TTC27: variants seen among roughly 807,000 people sequenced by gnomAD.
TTC27 encodes tetratricopeptide repeat protein 27.
A neutral mutation model predicts 115.9 loss-of-function variants in TTC27; 79 were observed. The ratio of observed to expected loss-of-function variants is 0.68; its 90% CI spans 0.57 to 0.82. The LOEUF (loss-of-function observed/expected upper bound fraction) is 0.82, where lower values mean the gene tolerates loss of function less well. Among genes scored for constraint, TTC27 ranks in the 40% least tolerant of loss-of-function variants. The probability of loss-of-function intolerance (pLI) is 0.00; values close to 1 mark genes in which losing one functional copy is unlikely to be tolerated. For missense variants in TTC27, 1,054 were observed against 993.1 expected (o/e 1.06, Z -0.82); for synonymous variants, 401 against 356.0 (o/e 1.13, Z -1.42).
At chr2:32,697,158 C>T (rs537548283) in intron 9 of TTC27, among the ~76,000 whole-genome samples, 1 of 150,974 alleles carries the variant, frequency 6.6e-6, no homozygotes, top group Non-Finnish European at 1.5e-5. Flanking sequence ...CACCACTGCA[C>T]TCTAGCTTGG....
In TTC27 at chr2:32,666,776, G is replaced by T. The variant is rs566234624; in HGVS notation, c.939+8G>T. The T allele has an allele frequency of 1.8e-4, 283 of 1,610,122 alleles. 1 individual carries two copies. The South Asian group carries it at 3.0e-3, about 17-fold the overall frequency. ...CAGGAACATTTAACCAAGGCAAGTA[G>T]GACATTAAGTTATTAAATTCAATTA... On this transcript the variant is annotated splice_region_variant and intron_variant, in intron 7 of 19. Transcript: ENST00000317907.
chr2:32,760,082 C>G (rs937654024), intron 13 of TTC27, among the ~76,000 whole-genome samples: 1 of 151,990 alleles, frequency 6.6e-6, no homozygotes, highest in East Asian at 1.9e-4. Flanking sequence ...CATTTTTGAA[C>G]TGGATAACTG....
At chr2:32,725,376 G>T (rs979455247) in intron 10 of TTC27, among the ~76,000 whole-genome samples, 7 of 152,046 alleles carry the variant, frequency 4.6e-5, no homozygotes, top group Non-Finnish European at 1.0e-4. Flanking sequence ...TGGGGTGCAG[G>T]CATTGGGTAA....
chr2:32,778,080 G>A (rs1670058640), intron 14 of TTC27, 100 bp downstream of exon 14: 2 of 1,133,350 alleles, frequency 1.8e-6, no homozygotes, highest in African/African-American at 1.5e-5. Context: ...TTGTGTTGGA[G>A]GAAAGTGTAC....
At chr2:32,725,981 T>TTCAA (rs1668095562) in intron 10 of TTC27, among the ~76,000 whole-genome samples, 1 of 77,012 alleles carries the variant, frequency 1.3e-5, no homozygotes, top group African/African-American at 3.4e-5. Context: ...GAAGCCATGG[T>TTCAA]TCAAGCTCTA....
rs115079571 is a variant in TTC27 at position 32,712,878 on chromosome 2, G to A, written c.1233+9958G>A. Among the ~76,000 whole-genome samples, 866 of 152,200 alleles carry A rather than the reference G, an allele frequency of 5.7e-3. 12 individuals carry two copies. Among genetic ancestry groups the A allele is most frequent in the African/African-American group, 0.02 (821 of 41,522 alleles). On this transcript the variant is annotated intron_variant, in intron 10 of 19. Transcript: ENST00000317907. ...TCTTATATTCAACATTTTATCAGAA[G>A]ATCACATCCTTTTCTTTTATATGCT... is the stretch of plus-strand genomic sequence containing the variant.
chr2:32,681,194 C>T (rs182612580), intron 9 of TTC27, among the ~76,000 whole-genome samples: 26 of 152,196 alleles, frequency 1.7e-4, no homozygotes, highest in Non-Finnish European at 2.8e-4. Flanking sequence ...GAGTTAATCC[C>T]GAGTAAATCT....
intron 11 of TTC27, among the ~76,000 whole-genome samples, chr2:32,736,484 T>C (rs897171205): frequency 6.6e-6 from 1 of 152,230 alleles, no homozygotes; most frequent in Admixed American, 6.5e-5. Flanking sequence ...AATTGTTCTT[T>C]AATTCCTTAT....
chr2:32,637,448 C>T (rs1167408024), intron 3 of TTC27, among the ~76,000 whole-genome samples: 1 of 152,098 alleles, frequency 6.6e-6, no homozygotes, highest in East Asian at 1.9e-4. Flanking sequence ...TCTCCTGCCT[C>T]AGCCTCCTGA....
chr2:32,669,539 A>G (rs1665929230), intron 7 of TTC27, among the ~76,000 whole-genome samples: 1 of 152,210 alleles, frequency 6.6e-6, no homozygotes, highest in African/African-American at 2.4e-5. Flanking sequence ...GGAAAAGGAA[A>G]GGAACACTAC....
intron 9 of TTC27, among the ~76,000 whole-genome samples, chr2:32,688,207 A>T (rs572938228): frequency 1.3e-5 from 2 of 152,312 alleles, no homozygotes; most frequent in East Asian, 3.9e-4. Context: ...TTTGTAAACC[A>T]AACAATTAAA....
At chr2:32,741,109 G>C (rs889003110) in intron 12 of TTC27, among the ~76,000 whole-genome samples, 2 of 152,190 alleles carry the variant, frequency 1.3e-5, no homozygotes, top group Admixed American at 1.3e-4. Context: ...TGATTTTGTA[G>C]CGCCGTCTCA....
intron 4 of TTC27, among the ~76,000 whole-genome samples, chr2:32,642,654 TTTTGTTTG>T (rs756431139): frequency 6.6e-6 from 1 of 151,980 alleles, no homozygotes; most frequent in Admixed American, 6.6e-5. Context: ...AGAGGTTGTT[TTTTGTTTG>T]TTTGTTTGTT....
At chr2:32,695,035 T>A (rs908125039) in intron 9 of TTC27, among the ~76,000 whole-genome samples, 2 of 152,144 alleles carry the variant, frequency 1.3e-5, no homozygotes, top group Non-Finnish European at 2.9e-5. Flanking sequence ...CATATTTTTT[T>A]ATATACATAA....
chr2:32,820,960 G>A lies in TTC27; in HGVS notation c.*22G>A. 8.1e-7 allele frequency: 1 copy of A among 1,239,512 alleles called. No individual in the cohort carries two copies. The highest frequency in any genetic ancestry group is 1.1e-6 in the Non-Finnish European group (1 of 950,874). The allele number at this position is 1,239,512 out of a possible 1,614,324, so 76.8% of individuals were successfully genotyped here. ...TTGATTCTGCTGGAAGCAGATTCTG[G>A]AAAAGGTGCTTTCACCTGCTGGTAA... On this transcript the variant is annotated 3_prime_UTR_variant, in exon 20 of 20. Coordinates refer to ENST00000317907, the MANE Select transcript of TTC27 (RefSeq NM_017735.5).
intron 17 of TTC27, 78 bp from the exon 18 acceptor site, chr2:32,812,426 C>A: frequency 9.6e-7 from 1 of 1,046,150 alleles, no homozygotes; most frequent in Non-Finnish European, 1.5e-6. Context: ...GAATTAGTTC[C>A]ATATGACTTC....
chr2:32,663,594 C>T (rs904543864), intron 5 of TTC27, among the ~76,000 whole-genome samples: 3 of 152,090 alleles, frequency 2.0e-5, no homozygotes, highest in Non-Finnish European at 4.4e-5. Context: ...GAGCTGGAGA[C>T]GGGAGCTGTT....
chr2:32,698,521 G>A (rs1462666886), intron 9 of TTC27, among the ~76,000 whole-genome samples: 3 of 138,654 alleles, frequency 2.2e-5, no homozygotes, highest in Admixed American at 7.7e-5. Flanking sequence ...GCTCTGTCAC[G>A]CAGCCTGGAG....
intron 10 of TTC27, among the ~76,000 whole-genome samples, chr2:32,705,632 C>A (rs1374289195): frequency 1.3e-5 from 2 of 152,068 alleles, no homozygotes; most frequent in Non-Finnish European, 2.9e-5. Context: ...CTCTCTGCAG[C>A]CTTTGCCTCC....
Sources: gnomAD v4.1 joint callset for allele counts (sites outside exome capture counted in the v4.1 genomes callset) on GRCh38, gnomAD v4.1.1 for gene constraint, MANE v1.5 for transcripts, NCBI Gene and HGNC (gene_info 2026-07-23, HGNC 2026-07-21) for gene names.